Variants in PRMT7 observed in about 807,000 individuals in gnomAD.
The protein encoded by PRMT7 is protein arginine methyltransferase 7.
A neutral mutation model predicts 85.4 loss-of-function variants in PRMT7; 75 were observed. The ratio of observed to expected loss-of-function variants is 0.88; its 90% confidence interval spans 0.73 to 1.06. The LOEUF (loss-of-function observed/expected upper bound fraction) is 1.06, where lower values mean the gene tolerates loss of function less well. PRMT7 is among the 50% of genes least tolerant of loss of function. The pLI, the probability that PRMT7 is intolerant of heterozygous loss-of-function variation, is 0.00. For missense variants in PRMT7, 868 were observed against 915.2 expected, an observed-to-expected ratio of 0.95 and a Z score of 0.67; for synonymous variants, 397 against 359.5, an observed-to-expected ratio of 1.10 and a Z score of -1.18.
Position 68,355,846 on chromosome 16 carries a change from C to T in PRMT7, c.1774C>T (p.Gln592Ter), listed in dbSNP as rs745583696. 2 of 1,608,380 alleles carry T rather than the reference C, an allele frequency of 1.2e-6. No individual in the cohort carries two copies. The highest frequency in any genetic ancestry group is 1.1e-5 in the South Asian group (1 of 90,898). ...TGACTTCCAGCAGCCGGTGCCCCTGCAGCCCCTGTGTGCCGAGGGCACCGT... is the reference window on the plus strand; with the variant it reads ...TGACTTCCAGCAGCCGGTGCCCCTGTAGCCCCTGTGTGCCGAGGGCACCGT... ...TFDFQQPVPL[Q>*]PLCAEGTVEL... Residue 592 changes from glutamine to a stop codon, truncating the protein, a stop_gained, in exon 17 of 19, where the codon CAG (glutamine) becomes TAG (stop). Coordinates refer to ENST00000441236, the MANE Select transcript of PRMT7 (RefSeq NM_019023.5). LOFTEE classifies it high-confidence loss of function.
chr16:68,339,879 T>A lies in PRMT7; in HGVS notation c.838T>A (p.Ser280Thr), dbSNP rs1363309659. The A allele has an allele frequency of 6.2e-7, 1 of 1,614,182 alleles. No homozygotes were observed. The highest frequency in any genetic ancestry group is 1.7e-5 in the Admixed American group (1 of 60,016). Reference protein sequence around the residue: ...LTSGRAQVVLSWWDIEMDPEG... With the variant: ...LTSGRAQVVLTWWDIEMDPEG... ...ATCTGGCCGAGCTCAGGTGGTTCTC[T>A]CGTGGTGGGACATTGAAATGGACCC... The change falls in exon 9 of 19, where the codon TCG becomes ACG. Residue 280 changes from serine to threonine, a missense_variant. Coordinates refer to ENST00000441236, the MANE Select transcript of PRMT7 (RefSeq NM_019023.5).
At chr16:68,329,305 C>G (rs1438925997) in intron 6 of PRMT7, 131 bp downstream of exon 6, 4 of 626,420 alleles carry the variant, frequency 6.4e-6, no homozygotes, top group Non-Finnish European at 1.1e-5. Flanking sequence ...GGAGCTCTGA[C>G]AGTAAGGACT....
At position 68,312,088 on chromosome 16, in the gene PRMT7, GCACTGCAGCCTTGA is replaced by G. The variant is rs2043840691; in HGVS notation, c.-170_-157del. 6.6e-6 allele frequency: 1 copy of G among 151,592 alleles called. No homozygotes were observed. Among genetic ancestry groups the G allele is most frequent in the Non-Finnish European group, 1.5e-5 (1 of 67,916 alleles). 9.4% of individuals were successfully genotyped at this position (151,592 alleles called of 1,614,324 possible). A position where few individuals can be genotyped will look rare whatever the true frequency, so the allele number is the denominator to read the frequency against. On this transcript the variant is annotated 5_prime_UTR_variant, in exon 2 of 19. Coordinates refer to ENST00000441236, the MANE Select transcript of PRMT7 (RefSeq NM_019023.5). ...CTGAGTGCAGTGGTGTGATCGAGGCGCACTGCAGCCTTGACCTCCTGGGCTCAAGCGATCCTCAC... is the reference window on the plus strand; with the variant it reads ...CTGAGTGCAGTGGTGTGATCGAGGCGCCTCCTGGGCTCAAGCGATCCTCAC...
intron 9 of PRMT7, among the ~76,000 whole-genome samples, chr16:68,344,840 AC>A (rs1255767516): frequency 2.0e-5 from 3 of 151,820 alleles, no homozygotes; most frequent in Non-Finnish European, 4.4e-5. Flanking sequence ...GAAAATGAAC[AC>A]TGATGGTCGC....
At chr16:68,352,452 G>A (rs746681052) in intron 15 of PRMT7, 43 bp downstream of exon 15, 5 of 1,559,068 alleles carry the variant, frequency 3.2e-6, no homozygotes, top group Non-Finnish European at 4.3e-6. Flanking sequence ...CAGAGGAGGC[G>A]GGTGGGGAAC....
At chr16:68,348,992 C>G (rs997790500) in intron 14 of PRMT7, among the ~76,000 whole-genome samples, 5 of 152,090 alleles carry the variant, frequency 3.3e-5, no homozygotes, top group Admixed American at 2.6e-4. Context: ...GACAGAGCAG[C>G]TCTCTTGGGG....
intron 9 of PRMT7, among the ~76,000 whole-genome samples, chr16:68,341,725 A>C (rs1161277497): frequency 1.3e-5 from 2 of 152,162 alleles, no homozygotes; most frequent in African/African-American, 4.8e-5. Flanking sequence ...GGGTTTTTCA[A>C]GGATAGTTTG....
chr16:68,327,815 T>G (rs951237546), intron 5 of PRMT7, among the ~76,000 whole-genome samples: 2 of 151,782 alleles, frequency 1.3e-5, no homozygotes, highest in Non-Finnish European at 2.9e-5. Context: ...GATCTACGCC[T>G]GTAGTCCCAG....
chr16:68,340,739 A>G (rs1345386532), intron 9 of PRMT7, among the ~76,000 whole-genome samples: 2 of 152,226 alleles, frequency 1.3e-5, no homozygotes, highest in Non-Finnish European at 2.9e-5. Context: ...GTAGAAAGCA[A>G]TGCTGCTTTC....
chr16:68,312,230 T>TTTA, intron 2 of PRMT7, 54 bp downstream of exon 2: 1 of 65,534 alleles, frequency 1.5e-5, no homozygotes, highest in Admixed American at 1.5e-4. Context: ...TATATATATA[T>TTTA]TTTTTTTTTT....
At chr16:68,327,056 A>G (rs2083208444) in intron 5 of PRMT7, among the ~76,000 whole-genome samples, 4 of 152,244 alleles carry the variant, frequency 2.6e-5, no homozygotes, top group Admixed American at 2.6e-4. Flanking sequence ...AGATTTTTCT[A>G]GGAGAACATG....
chr16:68,353,145 C>A (rs549451731), intron 15 of PRMT7, among the ~76,000 whole-genome samples: 2 of 152,252 alleles, frequency 1.3e-5, no homozygotes, highest in African/African-American at 4.8e-5. Flanking sequence ...CCCCAGCATC[C>A]TCATGAACTG....
chr16:68,349,475 C>T (rs1439543881), intron 14 of PRMT7, among the ~76,000 whole-genome samples: 2 of 152,134 alleles, frequency 1.3e-5, no homozygotes, highest in African/African-American at 4.8e-5. Flanking sequence ...TCCTGCCAGT[C>T]TTTTTTTAAA....
chr16:68,346,053 T>G, intron 10 of PRMT7, 92 bp from the exon 11 acceptor site: 1 of 1,574,366 alleles, frequency 6.4e-7, no homozygotes, highest in Non-Finnish European at 8.6e-7. Context: ...TAAGCCCTCA[T>G]GCCTACTGGA....
chr16:68,311,068 A>G lies in PRMT7; in HGVS notation c.-250A>G, dbSNP rs1354448200. The G allele has an allele frequency of 5.2e-6, 4 of 772,216 alleles. No homozygotes were observed. The highest frequency in any genetic ancestry group is 8.9e-6 in the Non-Finnish European group (4 of 451,698). The allele number at this position is 772,216 out of a possible 1,614,324, so 47.8% of individuals were successfully genotyped here. Reference sequence around the variant, plus strand: ...TGCTGGCCGCGGTAAAAGTGGTAGCAGCGGAGGCGAGCGGAGGGTTTCCCG... The same window carrying G: ...TGCTGGCCGCGGTAAAAGTGGTAGCGGCGGAGGCGAGCGGAGGGTTTCCCG... On this transcript the variant is annotated 5_prime_UTR_variant, in exon 1 of 19. Coordinates refer to ENST00000441236, the MANE Select transcript of PRMT7 (RefSeq NM_019023.5).
In PRMT7 at chr16:68,315,913, C is replaced by T; in HGVS notation, c.-67C>T. ...TGTTAATAGATTTCTGACAGTCAGA[C>T]TTGTCCACAAGAACTCAACTGGCAA... On this transcript the variant is annotated 5_prime_UTR_variant, in exon 3 of 19. Coordinates refer to ENST00000441236, the MANE Select transcript of PRMT7 (RefSeq NM_019023.5). The T allele has an allele frequency of 7.6e-7, 1 of 1,312,332 alleles. No individual in the cohort carries two copies. Among genetic ancestry groups the T allele is most frequent in the Non-Finnish European group, 1.1e-6 (1 of 911,038 alleles). The allele number at this position is 1,312,332 out of a possible 1,614,324, so 81.3% of individuals were successfully genotyped here.
chr16:68,327,296 A>G (rs1228693958), intron 5 of PRMT7, among the ~76,000 whole-genome samples: 1 of 152,230 alleles, frequency 6.6e-6, no homozygotes, highest in Non-Finnish European at 1.5e-5. Context: ...GTAGGGCCAC[A>G]CGTGAGTCTG....
intron 6 of PRMT7, chr16:68,329,586 TGAGA>T (rs769378700): frequency 3.2e-4 from 50 of 158,722 alleles, no homozygotes; most frequent in Non-Finnish European, 6.4e-4. Flanking sequence ...TTTATTTTTT[TGAGA>T]GAGAGTCTCA....
chr16:68,321,528 T>A, intron 4 of PRMT7, 66 bp downstream of exon 4: 1 of 1,449,850 alleles, frequency 6.9e-7, no homozygotes, highest in Non-Finnish European at 9.6e-7. Flanking sequence ...ACAAGAAGGT[T>A]AAGAATCCCT....
Sources: allele counts gnomAD v4.1 joint callset (sites outside exome capture counted in the v4.1 genomes callset), GRCh38; gene constraint gnomAD v4.1.1; transcripts MANE v1.5; gene names NCBI Gene and HGNC (gene_info 2026-07-23, HGNC 2026-07-21).